Variants in PLIN5 observed in about 807,000 individuals in gnomAD.
PLIN5 encodes perilipin-5.
A neutral mutation model predicts 32.8 loss-of-function variants in PLIN5; 34 were observed. The observed-to-expected ratio is 1.04, with a 90% CI of 0.79 to 1.38. PLIN5 has a LOEUF of 1.38. Ranked by LOEUF, PLIN5 falls within the 40% of genes most tolerant of loss-of-function variation. PLIN5 has a pLI of 0.00. For missense variants in PLIN5, 712 were observed against 660.5 expected (o/e 1.08, Z -0.85); for synonymous variants, 309 against 292.9 (o/e 1.05, Z -0.56).
chr19:4,530,452 GTCATCGGC>G (rs1568245609), intron 3 of PLIN5, among the ~76,000 whole-genome samples: 1 of 152,320 alleles, frequency 6.6e-6, no homozygotes, highest in East Asian at 1.9e-4. Context: ...TCCCCCGCCT[GTCATCGGC>G]TCAGGGGTCC....
At chr19:4,535,137 T>C (rs982046965) in intron 1 of PLIN5, 28 bp downstream of exon 1, 5 of 150,588 alleles carry the variant, frequency 3.3e-5, no homozygotes, top group Non-Finnish European at 7.4e-5. Flanking sequence ...GGGGGGGCGC[T>C]CCCGGACGCC....
intron 5 of PLIN5, among the ~76,000 whole-genome samples, chr19:4,527,984 A>G: frequency 6.7e-6 from 1 of 148,958 alleles, no homozygotes; most frequent in African/African-American, 2.5e-5. Context: ...ATCTCTGCTC[A>G]CTGCAAGCTC....
At chr19:4,531,946 C>G in intron 2 of PLIN5, 124 bp from the exon 3 acceptor site, 1 of 972,684 alleles carries the variant, frequency 1.0e-6, no homozygotes, top group Non-Finnish European at 1.4e-6. Context: ...GTACTGAGCA[C>G]CCCGCCACGT....
intron 2 of PLIN5, 62 bp from the exon 3 acceptor site, chr19:4,531,884 C>A: frequency 2.1e-6 from 3 of 1,423,834 alleles, no homozygotes; most frequent in Non-Finnish European, 2.8e-6. Context: ...CACACCTCAA[C>A]CTACTTCCCC....
At chr19:4,529,763 A>G in intron 4 of PLIN5, 21 bp downstream of exon 4, 1 of 1,570,288 alleles carries the variant, frequency 6.4e-7, no homozygotes, top group Non-Finnish European at 8.7e-7. Flanking sequence ...GGAGGTCCCC[A>G]TGTCTAGTCG....
intron 2 of PLIN5, chr19:4,532,652 C>T (rs573063911): frequency 6.6e-6 from 1 of 152,266 alleles, no homozygotes; most frequent in Non-Finnish European, 1.5e-5. Context: ...CAGGCCTGAG[C>T]CATTGCACCT....
chr19:4,523,714 G>T lies in PLIN5; in HGVS notation c.1206C>A (p.Gly402=). ...LADLVDEVIG[G]PDPRWAHLDW... is the part of the protein sequence containing the mutation. The stretch of plus-strand genomic sequence containing the variant: ...CCAGGTGCGCCCAGCGGGGGTCAGG[G>T]CCCCCGATGACCTCGTCCACCAGGT... Residue 402 remains glycine, a synonymous_variant, in exon 8 of 8, where the codon GGC becomes GGA. Coordinates refer to ENST00000381848, the MANE Select transcript of PLIN5 (RefSeq NM_001013706.3). The surrounding 1 kb of genome is among the most constrained non-coding windows in gnomAD (Gnocchi z 5.0). 1 of 1,603,366 alleles carries T rather than the reference G, an allele frequency of 6.2e-7. No homozygotes were observed.
intron 3 of PLIN5, 31 bp from the exon 4 acceptor site, chr19:4,529,897 G>C: frequency 6.7e-7 from 1 of 1,484,232 alleles, no homozygotes; most frequent in Non-Finnish European, 9.3e-7. Context: ...AGTGAGACTC[G>C]GGGAGACGCA....
intron 3 of PLIN5, among the ~76,000 whole-genome samples, chr19:4,531,378 A>G (rs1289356337): frequency 6.6e-6 from 1 of 151,918 alleles, no homozygotes; most frequent in East Asian, 1.9e-4. Context: ...CCTGGCCTCA[A>G]GTGATCCTCC....
chr19:4,529,610 TACACAC>T lies in PLIN5; in HGVS notation c.339+168_339+173del, dbSNP rs56850019. On this transcript the variant is annotated intron_variant, in intron 4 of 7. Coordinates refer to ENST00000381848, the MANE Select transcript of PLIN5 (RefSeq NM_001013706.3). ...CACTATACGTATATACATATATGTA[TACACAC>T]ACACACACACACACACACACACACA... 543 of 432,312 alleles carry T rather than the reference TACACAC, an allele frequency of 1.3e-3. 1 individual carries two copies. The highest frequency in any genetic ancestry group is 7.2e-3 in the East Asian group (202 of 27,948). 26.8% of individuals were successfully genotyped at this position (432,312 alleles called of 1,614,324 possible).
At position 4,525,839 on chromosome 19, in the gene PLIN5, GA is replaced by G. The variant is rs1976793932; in HGVS notation, c.521-8del. The G allele has an allele frequency of 6.4e-7, 1 of 1,567,844 alleles. No individual in the cohort carries two copies. Among genetic ancestry groups the G allele is most frequent in the African/African-American group, 2.0e-5 (1 of 50,764 alleles). ...GCCTCAGCCGCCAGTGCCGCTGGAG[GA>G]CAGGATACGGGGACAGCACGGGGAC... On this transcript the variant is annotated splice_polypyrimidine_tract_variant and splice_region_variant and intron_variant, in intron 5 of 7. Transcript: ENST00000381848. This position sits in a 1 kb window ranked among gnomAD's most constrained non-coding sequence, Gnocchi z 5.6.
At position 4,523,430 on chromosome 19, in the gene PLIN5, T is replaced by TC; in HGVS notation, c.*97dup. On this transcript the variant is annotated 3_prime_UTR_variant, in exon 8 of 8. Coordinates refer to ENST00000381848, the MANE Select transcript of PLIN5 (RefSeq NM_001013706.3). The surrounding 1 kb of genome is among the most constrained non-coding windows in gnomAD (Gnocchi z 5.0). ...AGTTGGGCCTGATTCCAAAGAAGGG[T>TC]CAAGGCCAAGGCCTCGAGCTTACGT... The TC allele has an allele frequency of 1.5e-6, 2 of 1,364,874 alleles. No homozygotes were observed. Among genetic ancestry groups the TC allele is most frequent in the Non-Finnish European group, 2.0e-6 (2 of 1,019,296 alleles). 84.5% of individuals were successfully genotyped at this position (1,364,874 alleles called of 1,614,324 possible).
At chr19:4,527,135 G>C (rs1040350522) in intron 5 of PLIN5, among the ~76,000 whole-genome samples, 182 of 151,806 alleles carry the variant, frequency 1.2e-3, no homozygotes, top group African/African-American at 4.2e-3. Flanking sequence ...GAGTGCAGTG[G>C]CGCAATCTCG....
At position 4,525,998 on chromosome 19, in the gene PLIN5, T is replaced by G. The variant is rs1976799241; in HGVS notation, c.521-166A>C. On this transcript the variant is annotated intron_variant, in intron 5 of 7. Transcript: ENST00000381848. This position sits in a 1 kb window ranked among gnomAD's most constrained non-coding sequence, Gnocchi z 5.6. ...AGCACAGCCACCCACCCCCTCCACA[T>G]CTGCTCACCCACCTCTGGGTACAGA... The G allele has an allele frequency of 1.4e-6, 1 of 715,624 alleles. No homozygotes were observed. The highest frequency in any genetic ancestry group is 2.7e-5 in the Admixed American group (1 of 37,558). 44.3% of individuals were successfully genotyped at this position (715,624 alleles called of 1,614,324 possible).
At chr19:4,531,891 C>G in intron 2 of PLIN5, 69 bp from the exon 3 acceptor site, 2 of 1,415,196 alleles carry the variant, frequency 1.4e-6, no homozygotes, top group South Asian at 3.0e-5. Flanking sequence ...CAACCTACTT[C>G]CCCTCTCTGG....
rs367567613 is a variant in PLIN5, at chr19:4,529,817, C to A, written c.306G>T (p.Glu102Asp). The A allele has an allele frequency of 2.5e-5, 41 of 1,611,930 alleles. No homozygotes were observed. The African/African-American group carries it at 4.7e-4, about 18-fold the overall frequency. ...LACRGLDKLE[E>D]KLPFLQQPSE... ...AAGGTTGCTGGAGAAAGGGAAGCTTCTCTTCCAGCTTGTCCAGGCCCCTGC... is the reference window on the plus strand; with the variant it reads ...AAGGTTGCTGGAGAAAGGGAAGCTTATCTTCCAGCTTGTCCAGGCCCCTGC... The change falls in exon 4 of 8, where the codon GAG becomes GAT. Residue 102 changes from glutamate to aspartate, a missense_variant. Transcript: ENST00000381848.
At chr19:4,531,943 G>A (rs1380868568) in intron 2 of PLIN5, 121 bp from the exon 3 acceptor site, 2 of 1,011,866 alleles carry the variant, frequency 2.0e-6, no homozygotes, top group Non-Finnish European at 2.7e-6. Context: ...GGAGTACTGA[G>A]CACCCCGCCA....
At position 4,523,582 on chromosome 19, in the gene PLIN5, G is replaced by C. The variant is rs995117985; in HGVS notation, c.1338C>G (p.Pro446=). The change falls in exon 8 of 8, where the codon CCC becomes CCG. Residue 446 remains proline, a synonymous_variant. Coordinates refer to ENST00000381848, the MANE Select transcript of PLIN5 (RefSeq NM_001013706.3). The surrounding 1 kb of genome is among the most constrained non-coding windows in gnomAD (Gnocchi z 5.0). ...GVAGDICEQE[P]ETPSCPVKHT... ...GCTTGACCGGGCAGCTGGGGGTCTC[G>C]GGTTCCTGCTCGCAGATGTCCCCGG... The C allele has an allele frequency of 2.5e-6, 4 of 1,602,444 alleles. No homozygotes were observed. The highest frequency in any genetic ancestry group is 2.3e-5 in the East Asian group (1 of 44,380).
At chr19:4,530,797 C>T (rs1221774769) in intron 3 of PLIN5, among the ~76,000 whole-genome samples, 3 of 151,508 alleles carry the variant, frequency 2.0e-5, no homozygotes, top group African/African-American at 7.3e-5. Context: ...CTCAGCCTCC[C>T]ATGCAGCTGG....
Sources: allele counts gnomAD v4.1 joint callset (sites outside exome capture counted in the v4.1 genomes callset), GRCh38; gene constraint gnomAD v4.1.1; non-coding constraint Gnocchi (gnomAD v3.1); transcripts MANE v1.5; gene names NCBI Gene and HGNC (gene_info 2026-07-23, HGNC 2026-07-21).